Variants in ZNF730 observed in about 807,000 individuals in gnomAD.
ZNF730 encodes the protein putative zinc finger protein 730.
Under a neutral mutation model 12.6 loss-of-function variants are expected in ZNF730, and 12 were observed. The ratio of observed to expected loss-of-function variants is 0.95; its 90% CI spans 0.61 to 1.54. The LOEUF (loss-of-function observed/expected upper bound fraction) is 1.54. ZNF730 is among the 40% of genes most tolerant of loss of function. ZNF730 has a pLI of 0.00. For synonymous variants in ZNF730, 194 were observed against 195.8 expected (o/e 0.99, Z 0.08); for missense variants, 643 against 583.5 (o/e 1.10, Z -1.05).
At chr19:23,137,565 A>C (rs1172070742) in intron 3 of ZNF730, among the ~76,000 whole-genome samples, 1 of 152,212 alleles carries the variant, frequency 6.6e-6, no homozygotes, top group African/African-American at 2.4e-5. Context: ...TGACTTTAAA[A>C]ATTTATTTTG....
intron 1 of ZNF730, among the ~76,000 whole-genome samples, chr19:23,079,405 G>A (rs773277080): frequency 2.6e-5 from 4 of 152,222 alleles, no homozygotes; most frequent in South Asian, 2.1e-4. Context: ...TGATCCGCCC[G>A]CCTTGGCCTC....
At chr19:23,144,930 G>C (rs1436580615) in intron 3 of ZNF730, among the ~76,000 whole-genome samples, 1 of 152,048 alleles carries the variant, frequency 6.6e-6, no homozygotes, top group East Asian at 1.9e-4. Flanking sequence ...ATTTTAACTT[G>C]TCTTTTAAAA....
At chr19:23,118,550 G>A (rs1469325160) in intron 1 of ZNF730, among the ~76,000 whole-genome samples, 1 of 152,086 alleles carries the variant, frequency 6.6e-6, no homozygotes, top group Admixed American at 6.6e-5. Context: ...GACAACAAGA[G>A]GTATGAAGTG....
intron 3 of ZNF730, among the ~76,000 whole-genome samples, chr19:23,140,139 T>A (rs1463054720): frequency 6.6e-6 from 1 of 151,988 alleles, no homozygotes; most frequent in Non-Finnish European, 1.5e-5. Context: ...TCTTATATAT[T>A]TTTTTTTCTC....
At chr19:23,131,708 T>C (rs1970744753) in intron 1 of ZNF730, among the ~76,000 whole-genome samples, 2 of 152,226 alleles carry the variant, frequency 1.3e-5, no homozygotes, top group South Asian at 2.1e-4. Flanking sequence ...AACATCAGCA[T>C]TGATAGGAAA....
chr19:23,099,519 G>A (rs1426660749), intron 1 of ZNF730, among the ~76,000 whole-genome samples: 1 of 152,174 alleles, frequency 6.6e-6, no homozygotes, highest in Non-Finnish European at 1.5e-5. Flanking sequence ...GCAGTTGAAT[G>A]TTGGAAAATG....
At chr19:23,133,868 T>C (rs926914716) in intron 1 of ZNF730, among the ~76,000 whole-genome samples, 2 of 152,248 alleles carry the variant, frequency 1.3e-5, no homozygotes, top group Admixed American at 1.3e-4. Context: ...ATATAAATAC[T>C]GATATTTTGG....
chr19:23,089,689 C>T lies in ZNF730; in HGVS notation c.-94+14302C>T, dbSNP rs144634064. Among the ~76,000 whole-genome samples, 449 of 152,262 alleles carry T rather than the reference C, an allele frequency of 2.9e-3. 2 individuals carry two copies. The highest frequency in any genetic ancestry group is 5.2e-3 in the Non-Finnish European group (352 of 68,030). ...TGTGGAATTGTAAGTCCAATTAAAC[C>T]GCTTTTTCTTCCCCGTCCTGGTTAT... On this transcript the variant is annotated intron_variant, in intron 1 of 2. Coordinates refer to the ZNF730 transcript ENST00000593635.
intron 1 of ZNF730, among the ~76,000 whole-genome samples, chr19:23,093,510 G>T (rs1002791855): frequency 6.6e-6 from 1 of 152,294 alleles, no homozygotes; most frequent in South Asian, 2.1e-4. Flanking sequence ...TTGGCATCCC[G>T]CCCCTCTGGT....
intron 2 of ZNF730, 28 bp downstream of exon 2, chr19:23,134,234 T>G (rs1254048056): frequency 4.5e-6 from 7 of 1,544,104 alleles, no homozygotes; most frequent in Non-Finnish European, 6.1e-6. Context: ...ATACAATTCC[T>G]AATATACCCT....
At chr19:23,085,836 CTTTTTTTTTTTTTTTTTT>C (rs556123915) in intron 1 of ZNF730, among the ~76,000 whole-genome samples, 12 of 54,806 alleles carry the variant, frequency 2.2e-4, no homozygotes, top group Admixed American at 4.3e-4. Flanking sequence ...ATTTTTTTTT[CTTTTTTTTTTTTTTTTTT>C]TTTTTTTTTG....
At position 23,146,990 on chromosome 19, in the gene ZNF730, C is replaced by T; in HGVS notation, c.*434C>T. The T allele has an allele frequency of 2.9e-6, 1 of 344,588 alleles. No individual in the cohort carries two copies. Among genetic ancestry groups the T allele is most frequent in the Non-Finnish European group, 5.5e-6 (1 of 182,762 alleles). The allele number at this position is 344,588 out of a possible 1,614,324, so 21.3% of individuals were successfully genotyped here. On this transcript the variant is annotated 3_prime_UTR_variant, in exon 4 of 4. Transcript: ENST00000597761. ...TAGAAATATGAAGAATGTGACAAAG[C>T]CATTAAATTGTTGTCACATTTAATT...
chr19:23,141,768 G>A (rs923602783), intron 3 of ZNF730, among the ~76,000 whole-genome samples: 1 of 151,730 alleles, frequency 6.6e-6, no homozygotes, highest in African/African-American at 2.4e-5. Context: ...CTAGGACGTT[G>A]TCTATGAAGG....
At position 23,095,729 on chromosome 19, in the gene ZNF730, G is replaced by T. The variant is rs893546044; in HGVS notation, c.-94+20342G>T. 1.8e-5 allele frequency: 6 copies of T among 324,340 alleles called. No homozygotes were observed. In the Admixed American group the frequency reaches 2.5e-4, roughly 13 times the overall value. 20.1% of individuals were successfully genotyped at this position (324,340 alleles called of 1,614,324 possible). ...ATTGTGACATACCTCTGGGCCCTTT[G>T]ACTATTTTATGTGACTCTCCTCTCT... On this transcript the variant is annotated intron_variant, in intron 1 of 2. Transcript: ENST00000593635.
intron 1 of ZNF730, among the ~76,000 whole-genome samples, chr19:23,119,995 T>TC (rs201194617): frequency 6.7e-6 from 1 of 149,070 alleles, no homozygotes; most frequent in Admixed American, 6.7e-5. Flanking sequence ...TTTCTTTCTT[T>TC]TTTTTTTTTT....
At position 23,132,570 on chromosome 19, in the gene ZNF730, T is replaced by G. The variant is rs533481662; in HGVS notation, c.4-1510T>G. ...ATATGCCATGATTCTCACCATGAAT[T>G]TATAATCTGCAATATTAAAAATGTT... On this transcript the variant is annotated intron_variant, in intron 1 of 3. Transcript: ENST00000597761. Among the ~76,000 whole-genome samples the G allele has an allele frequency of 8.6e-5, 13 of 150,716 alleles. No individual in the cohort carries two copies. The East Asian group carries it at 2.6e-3, about 30-fold the overall frequency.
chr19:23,116,921 GGGGGCGGGGCCTT>G, upstream of ZNF730: 3 of 384,980 alleles, frequency 7.8e-6, no homozygotes, highest in Non-Finnish European at 1.3e-5. Flanking sequence ...CAGGGCCTGA[GGGGGCGGGGCCTT>G]AAACGTTATC....
intron 1 of ZNF730, among the ~76,000 whole-genome samples, chr19:23,101,224 C>CGT (rs1414355059): frequency 4.0e-3 from 12 of 2,996 alleles, no homozygotes; most frequent in Non-Finnish European, 0.017. Flanking sequence ...GTCATTCTCC[C>CGT]ATATTGAGGT....
chr19:23,126,684 G>A, intron 1 of ZNF730: 1 of 478,298 alleles, frequency 2.1e-6, no homozygotes, highest in Admixed American at 2.8e-5. Context: ...TCTGAATGCA[G>A]CAATGCTTCT....
Sources: allele counts gnomAD v4.1 joint callset (sites outside exome capture counted in the v4.1 genomes callset), GRCh38; gene constraint gnomAD v4.1.1; transcripts MANE v1.5; gene names NCBI Gene and HGNC (gene_info 2026-07-23, HGNC 2026-07-21).